Variants in CFAP410 observed in about 807,000 individuals in gnomAD.
CFAP410 encodes cilia and flagella associated protein 410.
Under a neutral mutation model 25.7 loss-of-function variants are expected in CFAP410, and 27 were observed. That is an observed-to-expected ratio of 1.05 (90% CI 0.77 to 1.45). CFAP410 has a LOEUF of 1.45. Ranked by LOEUF, CFAP410 falls within the 40% of genes most tolerant of loss-of-function variation. The pLI, the probability that CFAP410 is intolerant of heterozygous loss-of-function variation, is 0.00. For missense variants in CFAP410, 428 were observed against 354.1 expected (o/e 1.21, Z -1.67); for synonymous variants, 178 against 158.4 (o/e 1.12, Z -0.93).
At chr21:44,336,512 G>C (rs192305710) in intron 2 of CFAP410, among the ~76,000 whole-genome samples, 7 of 152,278 alleles carry the variant, frequency 4.6e-5, no homozygotes, top group East Asian at 1.9e-4. Context: ...GAGGTGCCCG[G>C]GGTGGTCCAC....
chr21:44,338,509 G>T, intron 1 of CFAP410: 3 of 357,334 alleles, frequency 8.4e-6, no homozygotes, highest in South Asian at 5.9e-5. Context: ...CCCTGGGAAC[G>T]GCCGCCCCCA....
chr21:44,333,133 C>T lies in CFAP410; in HGVS notation c.273G>A (p.Val91=), dbSNP rs2146068735. The T allele has an allele frequency of 6.2e-7, 1 of 1,612,028 alleles. No homozygotes were observed. ...FYLKGLPRLR[V]LWLAENPCCG... The stretch of plus-strand genomic sequence containing the variant: ...AGCACGGGTTCTCGGCCAGCCACAG[C>T]ACCCGCAGACGCGGCAGCCCCTTCA... Residue 91 remains valine (V), a synonymous_variant, in exon 4 of 7, where the codon GTG becomes GTA. Coordinates refer to ENST00000339818, the MANE Select transcript of CFAP410 (RefSeq NM_004928.3).
chr21:44,338,206 G>T (rs561826842), intron 1 of CFAP410: 1 of 1,121,218 alleles, frequency 8.9e-7, no homozygotes, highest in South Asian at 1.4e-5. Flanking sequence ...AGAGAGAAAA[G>T]CTTTTTAATT....
rs377579876 is a variant in CFAP410 at position 44,331,928 on chromosome 21, C to T, written c.460G>A (p.Gly154Ser). Residue 154 changes from glycine to serine, a missense_variant, in exon 5 of 7, where the codon GGC (glycine) becomes AGC (serine). Physicochemically the swap from Gly to Ser is moderately conservative, Grantham distance 56. Transcript: ENST00000339818. ...APEREGTGHG[G>S]PKLCCTLSSL... is the part of the protein sequence containing the mutation. ...CTCAGTGTGCAGCATAGCTTGGGGC[C>T]GCCGTGGCCTGTGCCCTCTCTCTCT... The T allele has an allele frequency of 4.2e-4, 681 of 1,613,502 alleles. 8 individuals carry two copies. The South Asian group carries it at 6.2e-3, about 15-fold the overall frequency.
In CFAP410 at chr21:44,335,751, G is replaced by A. The variant is rs375698855; in HGVS notation, c.143+7C>T. The A allele has an allele frequency of 1.5e-5, 23 of 1,585,206 alleles. No homozygotes were observed. Among genetic ancestry groups the A allele is most frequent in the Admixed American group, 7.0e-5 (4 of 57,098 alleles). ...CCAGGCTGAGCATGACAGCAGGAGC[G>A]AGGTACCTGAGCGTGATCACCTCCA... On this transcript the variant is annotated splice_region_variant and intron_variant, in intron 3 of 6. Transcript: ENST00000339818.
chr21:44,331,598 G>A, intron 5 of CFAP410: 1 of 515,616 alleles, frequency 1.9e-6, no homozygotes, highest in Non-Finnish European at 3.4e-6. Flanking sequence ...ACGGGGCCTG[G>A]CTCACCCCCT....
intron 6 of CFAP410, 53 bp from the exon 7 acceptor site, chr21:44,330,379 C>T: frequency 6.3e-7 from 1 of 1,583,308 alleles, no homozygotes; most frequent in Admixed American, 1.7e-5. Context: ...AGGCTGCTTC[C>T]CTCCACAAGG....
At chr21:44,336,018 C>T (rs969941953) in intron 2 of CFAP410, among the ~76,000 whole-genome samples, 1 of 91,550 alleles carries the variant, frequency 1.1e-5, no homozygotes, top group East Asian at 3.3e-4. Context: ...TGCCCAGGGC[C>T]TGAGGGGAGC....
intron 4 of CFAP410, 63 bp from the exon 5 acceptor site, chr21:44,332,077 G>T: frequency 7.3e-7 from 1 of 1,374,398 alleles, no homozygotes; most frequent in Non-Finnish European, 1.0e-6. Context: ...CACATGCACT[G>T]CAGCTCCCGT....
chr21:44,333,763 G>A (rs370687020), intron 3 of CFAP410: 13 of 311,240 alleles, frequency 4.2e-5, no homozygotes, highest in African/African-American at 2.0e-4. Context: ...GAACGTGGAC[G>A]CGTCAGAGAA....
rs951706110 is a variant in CFAP410 at position 44,329,003 on chromosome 21, A to G, written c.*1195T>C. 6.6e-6 allele frequency: 1 copy of G among 152,396 alleles called. No individual in the cohort carries two copies. The highest frequency in any genetic ancestry group is 1.5e-5 in the Non-Finnish European group (1 of 68,190). The allele number at this position is 152,396 out of a possible 1,614,324, so 9.4% of individuals were successfully genotyped here. A position where few individuals can be genotyped will look rare whatever the true frequency, so the allele number is the denominator to read the frequency against. On this transcript the variant is annotated 3_prime_UTR_variant, in exon 7 of 7. Coordinates refer to ENST00000339818, the MANE Select transcript of CFAP410 (RefSeq NM_004928.3). ...ACTCCACAGTCCCAAGGAGGCAGAC[A>G]CAGGCCTGAACTGTCCACCCTCTAT...
At position 44,330,297 on chromosome 21, in the gene CFAP410, C is replaced by T; in HGVS notation, c.672G>A (p.Leu224=). 1.9e-6 allele frequency: 3 copies of T among 1,605,206 alleles called. No individual in the cohort carries two copies. Among genetic ancestry groups the T allele is most frequent in the Non-Finnish European group, 2.6e-6 (3 of 1,175,074 alleles). ...CCAGCCCCTCTGCATCCAGCTCCCG[C>T]AGCAGCAGCAGGATGGCAGTCAGGA... The part of the protein sequence containing the change: ...RNVLTAILLL[L]RELDAEGLEA... The change falls in exon 7 of 7, where the codon CTG becomes CTA. Residue 224 remains leucine, a synonymous_variant. Coordinates refer to ENST00000339818, the MANE Select transcript of CFAP410 (RefSeq NM_004928.3).
At chr21:44,332,767 C>T (rs2047675853) in intron 4 of CFAP410, 1 of 532,986 alleles carries the variant, frequency 1.9e-6, no homozygotes, top group South Asian at 2.9e-5. Flanking sequence ...AACCCTTTTG[C>T]TTTGCTACCA....
chr21:44,337,677 GAA>G lies in CFAP410; in HGVS notation c.78-12_78-11del. On this transcript the variant is annotated splice_polypyrimidine_tract_variant and intron_variant, in intron 1 of 6. Coordinates refer to ENST00000339818, the MANE Select transcript of CFAP410 (RefSeq NM_004928.3). ...TGTGAGGCGGCTGCCCCTGGGGAGA[GAA>G]AAGATACATACTTTAATTTTGTTAA... The G allele has an allele frequency of 6.2e-7, 1 of 1,610,758 alleles. No homozygotes were observed. The highest frequency in any genetic ancestry group is 8.5e-7 in the Non-Finnish European group (1 of 1,177,516).
intron 3 of CFAP410, chr21:44,334,213 G>A (rs1342375580): frequency 6.6e-6 from 3 of 456,200 alleles, no homozygotes; most frequent in Non-Finnish European, 4.4e-6. Flanking sequence ...ACCTGAGCTC[G>A]GTCAACACCC....
In CFAP410 at chr21:44,338,158, C is replaced by T. The variant is rs761110664; in HGVS notation, c.78-491G>A. 8.9e-4 allele frequency: 598 copies of T among 675,588 alleles called. 2 individuals are homozygous for T. Among genetic ancestry groups the T allele is most frequent in the Non-Finnish European group, 1.2e-3 (563 of 481,588 alleles). 41.8% of individuals were successfully genotyped at this position (675,588 alleles called of 1,614,324 possible). ...GAAATGCATTATTGAAAGCAAATGACACGGGAATTGTAGCCAAAACACCAG... is the reference window on the plus strand; with the variant it reads ...GAAATGCATTATTGAAAGCAAATGATACGGGAATTGTAGCCAAAACACCAG... On this transcript the variant is annotated intron_variant, in intron 1 of 6. Coordinates refer to ENST00000339818, the MANE Select transcript of CFAP410 (RefSeq NM_004928.3).
At position 44,334,517 on chromosome 21, in the gene CFAP410, ACC is replaced by A. The variant is rs199672243; in HGVS notation, c.143+1239_143+1240del. 252 of 72,414 alleles carry A rather than the reference ACC, an allele frequency of 3.5e-3. 2 individuals are homozygous for A. The highest frequency in any genetic ancestry group is 4.8e-3 in the Non-Finnish European group (146 of 30,386). 4.5% of individuals were successfully genotyped at this position (72,414 alleles called of 1,614,324 possible). A position where few individuals can be genotyped will look rare whatever the true frequency, so the allele number is the denominator to read the frequency against. On this transcript the variant is annotated intron_variant, in intron 3 of 6. Transcript: ENST00000339818. The stretch of plus-strand genomic sequence containing the variant: ...CCTCAACCTCTGGGCGGGCACGCGC[ACC>A]CCCCCCCCCCCCCCGCTCAACCTCT...
chr21:44,330,394 G>C, intron 6 of CFAP410, 68 bp from the exon 7 acceptor site: 1 of 1,576,712 alleles, frequency 6.3e-7, no homozygotes, highest in Non-Finnish European at 8.6e-7. Flanking sequence ...ACAAGGGCTG[G>C]GGCCTGGCCA....
chr21:44,331,782 C>T (rs535833529), intron 5 of CFAP410, 61 bp downstream of exon 5: 55 of 1,540,260 alleles, frequency 3.6e-5, no homozygotes, highest in South Asian at 5.9e-5. Flanking sequence ...ATTCACTCCC[C>T]GTGGGAGGAC....
Sources: gnomAD v4.1 joint callset for allele counts (sites outside exome capture counted in the v4.1 genomes callset) on GRCh38, gnomAD v4.1.1 for gene constraint, MANE v1.5 for transcripts, NCBI Gene and HGNC (gene_info 2026-07-23, HGNC 2026-07-21) for gene names.